The following TIPIN variants were observed in gnomAD, a reference collection of about 807,000 sequenced individuals.
TIPIN encodes TIMELESS-interacting protein.
TIPIN carries 29 observed loss-of-function variants against 35.6 expected under a neutral mutation model. The observed-to-expected ratio is 0.82, with a 90% CI of 0.61 to 1.11. The LOEUF is 1.11. Among genes scored for constraint, TIPIN ranks in the 50% most tolerant of loss-of-function variants. The probability of loss-of-function intolerance (pLI) is 0.00; values close to 1 mark genes in which losing one functional copy is unlikely to be tolerated. For synonymous variants in TIPIN, 102 were observed against 121.5 expected (o/e 0.84, Z 1.06); for missense variants, 296 against 345.4 (o/e 0.86, Z 1.13).
intron 4 of TIPIN, among the ~76,000 whole-genome samples, chr15:66,350,490 A>G (rs2093159818): frequency 6.6e-6 from 1 of 151,794 alleles, no homozygotes; most frequent in Admixed American, 6.6e-5. Flanking sequence ...TTGCAATCCC[A>G]GCTACTTGGG....
chr15:66,359,192 C>T (rs2093220672), upstream of TIPIN, among the ~76,000 whole-genome samples: 2 of 151,682 alleles, frequency 1.3e-5, no homozygotes, highest in Admixed American at 6.6e-5. Context: ...CACACACACA[C>T]ACACACAAAG....
intron 1 of TIPIN, among the ~76,000 whole-genome samples, chr15:66,365,203 CA>C (rs1159999281): frequency 1.3e-5 from 2 of 152,004 alleles, no homozygotes; most frequent in African/African-American, 2.4e-5. Flanking sequence ...GATATGGTAA[CA>C]AAAGCCAGCC....
chr15:66,361,562 T>TAAA (rs376136865), upstream of TIPIN, among the ~76,000 whole-genome samples: 523 of 133,748 alleles, frequency 3.9e-3, 3 homozygotes, highest in East Asian at 0.039. Context: ...ACCTGTAATT[T>TAAA]AAAAAAAAAA....
chr15:66,385,810 A>G (rs2093335626), intron 1 of TIPIN, among the ~76,000 whole-genome samples: 1 of 149,996 alleles, frequency 6.7e-6, no homozygotes, highest in Non-Finnish European at 1.5e-5. Context: ...TTTTAAAGGG[A>G]GTCTTGCTCT....
intron 1 of TIPIN, chr15:66,383,564 G>A: frequency 1.0e-6 from 1 of 984,760 alleles, no homozygotes; most frequent in Non-Finnish European, 1.2e-6. Flanking sequence ...ACCACACCTG[G>A]CCTTCAATTC....
At chr15:66,349,007 G>A in intron 6 of TIPIN, 53 bp downstream of exon 6, 1 of 1,439,218 alleles carries the variant, frequency 6.9e-7, no homozygotes, top group Non-Finnish European at 9.7e-7. Flanking sequence ...ACCCTGCCTA[G>A]ATCTATTTCT....
chr15:66,336,242 G>C lies in TIPIN; in HGVS notation c.*716C>G, dbSNP rs2093044334. 6.6e-6 allele frequency: 1 copy of C among 152,160 alleles called. No individual in the cohort carries two copies. The highest frequency in any genetic ancestry group is 2.4e-5 in the African/African-American group (1 of 41,414). The allele number at this position is 152,160 out of a possible 1,614,324, so 9.4% of individuals were successfully genotyped here. On this transcript the variant is annotated 3_prime_UTR_variant, in exon 8 of 8. Transcript: ENST00000261881. Reference sequence around the variant, plus strand: ...TTTAAAAAATTGACATTAATATTCAGTATATATGTACATCTCAAAACTTCA... The same window carrying C: ...TTTAAAAAATTGACATTAATATTCACTATATATGTACATCTCAAAACTTCA...
intron 4 of TIPIN, among the ~76,000 whole-genome samples, chr15:66,349,980 C>G (rs1248901026): frequency 6.6e-6 from 1 of 151,378 alleles, no homozygotes; most frequent in Non-Finnish European, 1.5e-5. Flanking sequence ...TGGTTTTTTT[C>G]AGAGAGATTC....
chr15:66,367,216 A>ATATCTATATCTATATCTG, intron 1 of TIPIN, among the ~76,000 whole-genome samples: 1 of 140,582 alleles, frequency 7.1e-6, no homozygotes, highest in East Asian at 1.9e-4. Flanking sequence ...ATCTATATCT[A>ATATCTATATCTATATCTG]TATCTATATC....
At chr15:66,366,012 A>G (rs1406456879) in intron 1 of TIPIN, among the ~76,000 whole-genome samples, 1 of 152,078 alleles carries the variant, frequency 6.6e-6, no homozygotes, top group Non-Finnish European at 1.5e-5. Context: ...CAAAGGGACA[A>G]TATTGGAGAA....
chr15:66,379,049 G>A (rs11852794), intron 1 of TIPIN, among the ~76,000 whole-genome samples: 8,583 of 152,012 alleles, frequency 0.056, 345 homozygotes, highest in Middle Eastern at 0.11. Flanking sequence ...ATGAGCCGCC[G>A]TGCACAAAGT....
chr15:66,359,888 G>A (rs1016778463), upstream of TIPIN, among the ~76,000 whole-genome samples: 1 of 152,072 alleles, frequency 6.6e-6, no homozygotes, highest in Non-Finnish European at 1.5e-5. Context: ...TCTCAGTTCC[G>A]TCATTTACTG....
Position 66,379,366 on chromosome 15 carries a change from T to C in TIPIN, c.-9+7241A>G, listed in dbSNP as rs571995093. 12 of 1,597,604 alleles carry C rather than the reference T, an allele frequency of 7.5e-6. 1 individual carries two copies. The South Asian group carries it at 1.3e-4, about 18-fold the overall frequency. On this transcript the variant is annotated intron_variant, in intron 1 of 7. Coordinates refer to the TIPIN transcript ENST00000562124. Reference sequence around the variant, plus strand: ...TCATCATCCTGCTGAACAGTTCCTTTTTCAGAGACATAGATACCATTCAAA... The same window carrying C: ...TCATCATCCTGCTGAACAGTTCCTTCTTCAGAGACATAGATACCATTCAAA...
At chr15:66,343,674 C>T (rs549224265) in intron 6 of TIPIN, among the ~76,000 whole-genome samples, 1 of 152,242 alleles carries the variant, frequency 6.6e-6, no homozygotes, top group East Asian at 1.9e-4. Flanking sequence ...ATGTATGAAA[C>T]ATTGCTGAAG....
chr15:66,374,587 TTTTTG>T (rs2093289365), intron 1 of TIPIN, among the ~76,000 whole-genome samples: 1 of 151,808 alleles, frequency 6.6e-6, no homozygotes, highest in Non-Finnish European at 1.5e-5. Context: ...TTTGTTTTTG[TTTTTG>T]TTTTGAGATG....
chr15:66,348,922 G>C, intron 6 of TIPIN, 138 bp downstream of exon 6: 1 of 670,378 alleles, frequency 1.5e-6, no homozygotes. Context: ...TCCAGACTGG[G>C]TGACAGAGCA....
At chr15:66,352,697 G>A (rs2093176159) in intron 2 of TIPIN, 118 bp downstream of exon 2, 2 of 1,096,116 alleles carry the variant, frequency 1.8e-6, no homozygotes, top group African/African-American at 1.6e-5. Context: ...TGGCCAGGCT[G>A]GTCTCAAATT....
At chr15:66,359,608 C>T (rs1471460220), upstream of TIPIN, among the ~76,000 whole-genome samples, 1 of 152,122 alleles carries the variant, frequency 6.6e-6, no homozygotes, top group Admixed American at 6.5e-5. Context: ...CTCAGCCTAC[C>T]AAAGTGCTGG....
intron 6 of TIPIN, among the ~76,000 whole-genome samples, chr15:66,342,186 C>CAAAAAAAAAA (rs55711983): frequency 2.5e-4 from 27 of 108,508 alleles, no homozygotes; most frequent in Admixed American, 5.2e-4. Context: ...AAGACTGTCT[C>CAAAAAAAAAA]AAAAAAAAAA....
Sources: allele counts gnomAD v4.1 joint callset (sites outside exome capture counted in the v4.1 genomes callset), GRCh38; gene constraint gnomAD v4.1.1; transcripts MANE v1.5; gene names NCBI Gene and HGNC (gene_info 2026-07-23, HGNC 2026-07-21).